The following RNFT2 variants were observed in gnomAD, a reference collection of about 807,000 sequenced individuals.
The protein encoded by RNFT2 is E3 ubiquitin-protein ligase RNFT2.
A neutral mutation model predicts 53.0 loss-of-function variants in RNFT2; 36 were observed. The ratio of observed to expected loss-of-function variants is 0.68; its 90% confidence interval spans 0.52 to 0.90. RNFT2 has a LOEUF of 0.90. Among genes scored for constraint, RNFT2 ranks in the 40% least tolerant of loss-of-function variants. The pLI, the probability that RNFT2 is intolerant of heterozygous loss-of-function variation, is 0.00. For missense variants in RNFT2, 514 were observed against 585.6 expected, an observed-to-expected ratio of 0.88 and a Z score of 1.26; for synonymous variants, 260 against 253.2, an observed-to-expected ratio of 1.03 and a Z score of -0.26.
chr12:116,840,891 T>C (rs1296681334), intron 10 of RNFT2, among the ~76,000 whole-genome samples: 1 of 150,450 alleles, frequency 6.6e-6, no homozygotes, highest in Non-Finnish European at 1.5e-5. Context: ...GTTTGTGTGA[T>C]TAAAGAGGAT....
Position 116,853,051 on chromosome 12 carries a change from T to C in RNFT2, c.*3603T>C, listed in dbSNP as rs943854699. 2.4e-6 allele frequency: 1 copy of C among 416,702 alleles called. No homozygotes were observed. Among genetic ancestry groups the C allele is most frequent in the African/African-American group, 2.0e-5 (1 of 48,982 alleles). The allele number at this position is 416,702 out of a possible 1,614,324, so 25.8% of individuals were successfully genotyped here. ...GATTTTATTAGTGCATGCCCTACCC[T>C]CTGGGGGAACGTCCCATCTGAGGTT... On this transcript the variant is annotated 3_prime_UTR_variant, in exon 11 of 11. Coordinates refer to ENST00000257575, the MANE Select transcript of RNFT2 (RefSeq NM_001382266.1).
chr12:116,802,780 C>T (rs1874861159), intron 7 of RNFT2, among the ~76,000 whole-genome samples: 1 of 152,096 alleles, frequency 6.6e-6, no homozygotes, highest in Non-Finnish European at 1.5e-5. Flanking sequence ...TGGCAATTTC[C>T]TACAGGAGCT....
intron 3 of RNFT2, among the ~76,000 whole-genome samples, chr12:116,749,308 C>A (rs575345937): frequency 7.9e-6 from 1 of 126,062 alleles, no homozygotes. Flanking sequence ...TTGAGACAGG[C>A]TCTCTGTCGC....
chr12:116,749,615 T>C (rs1872077121), intron 3 of RNFT2, among the ~76,000 whole-genome samples: 1 of 152,036 alleles, frequency 6.6e-6, no homozygotes, highest in African/African-American at 2.4e-5. Context: ...TCACACTGGA[T>C]TGGGACCCAC....
chr12:116,772,057 G>A (rs1028996228), intron 6 of RNFT2, among the ~76,000 whole-genome samples: 57 of 151,040 alleles, frequency 3.8e-4, no homozygotes, highest in Non-Finnish European at 8.8e-5. Flanking sequence ...CATAGTTGCT[G>A]CCCCATCAAT....
intron 6 of RNFT2, among the ~76,000 whole-genome samples, chr12:116,778,744 G>T (rs1020068266): frequency 1.3e-5 from 2 of 152,198 alleles, no homozygotes; most frequent in African/African-American, 4.8e-5. Flanking sequence ...CAGCTACTTG[G>T]GAAGCTGAGG....
chr12:116,795,592 T>C (rs1405701996), intron 7 of RNFT2, among the ~76,000 whole-genome samples: 5 of 152,184 alleles, frequency 3.3e-5, no homozygotes, highest in Non-Finnish European at 2.9e-5. Flanking sequence ...CAGAAATGGC[T>C]CACGGCTACT....
At chr12:116,809,187 GTTCA>G (rs10527732) in intron 7 of RNFT2, among the ~76,000 whole-genome samples, 19,497 of 150,826 alleles carry the variant, frequency 0.13, 1,931 homozygotes, top group African/African-American at 0.27. Context: ...AGCTGAGTTT[GTTCA>G]TTCATTCATT....
intron 10 of RNFT2, among the ~76,000 whole-genome samples, chr12:116,841,760 A>AATATAAATATATATATATAAATATATAT (rs1431232990): frequency 1.7e-5 from 2 of 118,066 alleles, no homozygotes; most frequent in East Asian, 2.2e-4. Flanking sequence ...AAAATATATA[A>AATATAAATATATATATATAAATATATAT]ATATAAATAT....
At chr12:116,758,918 C>T (rs1425009457) in intron 5 of RNFT2, among the ~76,000 whole-genome samples, 2 of 152,158 alleles carry the variant, frequency 1.3e-5, no homozygotes, top group Non-Finnish European at 2.9e-5. Flanking sequence ...CTAGCAAGGC[C>T]GGGGACGTTT....
chr12:116,824,772 C>T (rs942238721), intron 7 of RNFT2, among the ~76,000 whole-genome samples: 2 of 152,138 alleles, frequency 1.3e-5, no homozygotes, highest in African/African-American at 4.8e-5. Context: ...GAACCAATCC[C>T]ATCATGAGAG....
chr12:116,829,442 C>CT (rs1484616882), intron 7 of RNFT2, among the ~76,000 whole-genome samples: 1 of 152,020 alleles, frequency 6.6e-6, no homozygotes, highest in African/African-American at 2.4e-5. Context: ...AAAGGAGGGC[C>CT]CTTTGGGAAA....
chr12:116,750,821 A>T (rs1258139646), intron 4 of RNFT2, among the ~76,000 whole-genome samples: 6 of 5,012 alleles, frequency 1.2e-3, no homozygotes, highest in Admixed American at 0.011. Flanking sequence ...TATATATATT[A>T]TATATATAAT....
Position 116,741,244 on chromosome 12 carries a change from C to A in RNFT2, c.83+150C>A, listed in dbSNP as rs560019648. Reference sequence around the variant, plus strand: ...ATACTAAACATTCAACGCATAATAGCTTGCTCTTTCTTTTATGCTAAATTT... The same window carrying A: ...ATACTAAACATTCAACGCATAATAGATTGCTCTTTCTTTTATGCTAAATTT... On this transcript the variant is annotated intron_variant, in intron 3 of 10. Transcript: ENST00000257575. The A allele has an allele frequency of 3.4e-5, 22 of 655,416 alleles. No individual in the cohort carries two copies. In the African/African-American group the frequency reaches 3.8e-4, roughly 11 times the overall value. 40.6% of individuals were successfully genotyped at this position (655,416 alleles called of 1,614,324 possible). A position where few individuals can be genotyped will look rare whatever the true frequency, so the allele number is the denominator to read the frequency against.
At chr12:116,786,755 C>G (rs1397538245) in intron 7 of RNFT2, among the ~76,000 whole-genome samples, 2 of 152,156 alleles carry the variant, frequency 1.3e-5, no homozygotes, top group African/African-American at 4.8e-5. Flanking sequence ...GTTCTGGAAG[C>G]CAGAAATCCA....
At chr12:116,813,791 T>C (rs1875503196) in intron 7 of RNFT2, among the ~76,000 whole-genome samples, 1 of 152,236 alleles carries the variant, frequency 6.6e-6, no homozygotes, top group Admixed American at 6.5e-5. Context: ...GTGAATTCAG[T>C]TGGAAGGGTC....
At chr12:116,771,704 G>A (rs1873202939) in intron 6 of RNFT2, among the ~76,000 whole-genome samples, 1 of 151,932 alleles carries the variant, frequency 6.6e-6, no homozygotes, top group African/African-American at 2.4e-5. Flanking sequence ...CCCATGATGT[G>A]GGCACCCTCT....
At chr12:116,747,842 G>A (rs7300541) in intron 3 of RNFT2, among the ~76,000 whole-genome samples, 115,324 of 151,950 alleles carry the variant, frequency 0.76, 44,007 homozygotes, top group East Asian at 0.99. Context: ...CATCGGCTCC[G>A]CTTGCATCTG....
At chr12:116,846,080 C>A (rs938795131) in intron 10 of RNFT2, among the ~76,000 whole-genome samples, 2 of 152,190 alleles carry the variant, frequency 1.3e-5, no homozygotes, top group East Asian at 1.9e-4. Flanking sequence ...CTTCAGAGCA[C>A]TGTCTACAAT....
Sources: allele counts gnomAD v4.1 joint callset (sites outside exome capture counted in the v4.1 genomes callset), GRCh38; gene constraint gnomAD v4.1.1; transcripts MANE v1.5; gene names NCBI Gene and HGNC (gene_info 2026-07-23, HGNC 2026-07-21).